ARFGEF3: variants seen among roughly 807,000 people sequenced by gnomAD.
ARFGEF3 encodes the protein ARFGEF family member 3.
ARFGEF3 carries 96 observed loss-of-function variants against 221.7 expected under a neutral mutation model. The ratio of observed to expected loss-of-function variants is 0.43; its 90% CI spans 0.37 to 0.51. The LOEUF (loss-of-function observed/expected upper bound fraction) is 0.51. Ranked by LOEUF, ARFGEF3 falls within the 20% of genes least tolerant of loss-of-function variation. The pLI is 0.00. For missense variants in ARFGEF3, 2,410 were observed against 2,789.9 expected, an observed-to-expected ratio of 0.86 and a Z score of 3.07; for synonymous variants, 1,145 against 1,126.8, an observed-to-expected ratio of 1.02 and a Z score of -0.32.
At chr6:138,165,367 C>T (rs185803685) in intron 1 of ARFGEF3, among the ~76,000 whole-genome samples, 60 of 151,050 alleles carry the variant, frequency 4.0e-4, no homozygotes, top group Middle Eastern at 7.4e-3. Flanking sequence ...CCTCTGAGAC[C>T]CTCATAGGAG....
rs751293007 is a variant in ARFGEF3, at chr6:138,262,778, C to T, written c.1295C>T (p.Thr432Ile). ...ACYAAVSCVCTLLGALDELSQ... is the reference protein window; with the variant it reads ...ACYAAVSCVCILLGALDELSQ... Reference sequence around the variant, plus strand: ...TATGCAGCCGTGTCCTGTGTCTGCACCTTGCTGGGTGCCCTGGATGAGCTC... The same window carrying T: ...TATGCAGCCGTGTCCTGTGTCTGCATCTTGCTGGGTGCCCTGGATGAGCTC... The change falls in exon 12 of 34, where the codon ACC (threonine) becomes ATC (isoleucine). Residue 432 changes from threonine to isoleucine, a missense_variant. Coordinates refer to ENST00000251691, the MANE Select transcript of ARFGEF3 (RefSeq NM_020340.5). The T allele has an allele frequency of 1.2e-6, 2 of 1,614,026 alleles. No individual in the cohort carries two copies. The highest frequency in any genetic ancestry group is 1.1e-5 in the South Asian group (1 of 91,082).
intron 21 of ARFGEF3, among the ~76,000 whole-genome samples, chr6:138,298,308 G>T (rs1289911509): frequency 6.6e-6 from 1 of 152,174 alleles, no homozygotes; most frequent in African/African-American, 2.4e-5. Flanking sequence ...TGTCTTTACA[G>T]TGAGCATGTT....
chr6:138,172,082 T>C (rs1488176424), intron 2 of ARFGEF3, among the ~76,000 whole-genome samples: 3 of 151,674 alleles, frequency 2.0e-5, no homozygotes, highest in South Asian at 4.1e-4. Flanking sequence ...CTGTAGTAAC[T>C]GCTACAGGTT....
At chr6:138,257,017 G>A (rs868492724) in intron 10 of ARFGEF3, among the ~76,000 whole-genome samples, 4 of 151,956 alleles carry the variant, frequency 2.6e-5, no homozygotes, top group African/African-American at 9.7e-5. Flanking sequence ...CAAGCAATCC[G>A]CCCGCCTCAG....
chr6:138,186,902 C>CTTTTTTTTTTTTT (rs71693484), intron 2 of ARFGEF3, among the ~76,000 whole-genome samples: 1 of 76,002 alleles, frequency 1.3e-5, no homozygotes, highest in African/African-American at 5.4e-5. Context: ...CATCCTTTTT[C>CTTTTTTTTTTTTT]TTTTTTTTTT....
At chr6:138,215,922 A>C (rs1307826039) in intron 4 of ARFGEF3, 1 of 39,622 alleles carries the variant, frequency 2.5e-5, no homozygotes, top group East Asian at 6.3e-4. Flanking sequence ...GTGTTGGGGA[A>C]AGGGAAAGAG....
chr6:138,281,834 T>C (rs180981832), intron 14 of ARFGEF3, among the ~76,000 whole-genome samples: 357 of 152,304 alleles, frequency 2.3e-3, no homozygotes, highest in African/African-American at 8.3e-3. Context: ...ATGCCAAAGA[T>C]TGGGGAGTCT....
intron 12 of ARFGEF3, among the ~76,000 whole-genome samples, chr6:138,268,246 A>T (rs948079730): frequency 6.6e-6 from 1 of 152,218 alleles, no homozygotes; most frequent in African/African-American, 2.4e-5. Context: ...TTCCTCTAAG[A>T]GAAAGTTATG....
At chr6:138,176,451 G>A (rs1308489533) in intron 2 of ARFGEF3, among the ~76,000 whole-genome samples, 1 of 152,118 alleles carries the variant, frequency 6.6e-6, no homozygotes, top group Non-Finnish European at 1.5e-5. Flanking sequence ...AAAGTGCTGG[G>A]ATTACAGGCC....
At chr6:138,312,117 T>A (rs959763787) in intron 25 of ARFGEF3, among the ~76,000 whole-genome samples, 1 of 152,000 alleles carries the variant, frequency 6.6e-6, no homozygotes, top group Non-Finnish European at 1.5e-5. Context: ...GATCATGCCA[T>A]TGCACTCCGG....
At chr6:138,319,036 C>T (rs959775658) in intron 27 of ARFGEF3, among the ~76,000 whole-genome samples, 31 of 151,692 alleles carry the variant, frequency 2.0e-4, no homozygotes, top group African/African-American at 7.3e-4. Context: ...TCACTGCAGT[C>T]TCAAATTCCT....
At chr6:138,220,173 G>A (rs1195344145) in intron 4 of ARFGEF3, among the ~76,000 whole-genome samples, 1 of 151,876 alleles carries the variant, frequency 6.6e-6, no homozygotes, top group Non-Finnish European at 1.5e-5. Context: ...ACCAATTTTT[G>A]TATTTCTTTT....
chr6:138,327,014 C>T lies in ARFGEF3; in HGVS notation c.5002-1007C>T, dbSNP rs113137285. 4.8e-3 allele frequency among the ~76,000 whole-genome samples: 734 copies of T among 152,286 alleles called. 4 individuals are homozygous for T. Among genetic ancestry groups the T allele is most frequent in the African/African-American group, 0.017 (701 of 41,554 alleles). On this transcript the variant is annotated intron_variant, in intron 31 of 33. Coordinates refer to ENST00000251691, the MANE Select transcript of ARFGEF3 (RefSeq NM_020340.5). The stretch of plus-strand genomic sequence containing the variant: ...ACTAACGCAGGGACAGAAAACCAAA[C>T]ACTGCATGTTCTCACTTATAAGTGG...
chr6:138,281,864 A>G (rs1359404826), intron 14 of ARFGEF3, among the ~76,000 whole-genome samples: 1 of 152,222 alleles, frequency 6.6e-6, no homozygotes, highest in African/African-American at 2.4e-5. Flanking sequence ...TAGTCTGGTC[A>G]TCGCTTGCCT....
At chr6:138,174,846 T>C (rs1776907558) in intron 2 of ARFGEF3, among the ~76,000 whole-genome samples, 1 of 152,222 alleles carries the variant, frequency 6.6e-6, no homozygotes, top group South Asian at 2.1e-4. Context: ...TTACTAATAT[T>C]GTTTTGGTCA....
intron 5 of ARFGEF3, among the ~76,000 whole-genome samples, chr6:138,236,088 C>T (rs1000775724): frequency 6.6e-6 from 1 of 152,192 alleles, no homozygotes; most frequent in African/African-American, 2.4e-5. Context: ...AAATCCAGTT[C>T]CTCATGCATG....
chr6:138,292,005 G>T lies in ARFGEF3; in HGVS notation c.3320G>T (p.Gly1107Val). The change falls in exon 19 of 34, where the codon GGG (glycine) becomes GTG (valine). Residue 1107 changes from glycine (G) to valine (V), a missense_variant. Gly to Val is a moderately radical substitution (Grantham distance 109). This residue lies in a region of ARFGEF3 where 184 missense variants were observed against 141.8 expected (regional missense o/e 1.30). Coordinates refer to ENST00000251691, the MANE Select transcript of ARFGEF3 (RefSeq NM_020340.5). ...SDFRGGSLMS[G>V]SSAAKVVLTL... ...TTCCGCGGCGGGAGCCTCATGAGCG[G>T]GAGCAGCGCGGCCAAGGTGGTGCTC... The T allele has an allele frequency of 6.5e-7, 1 of 1,529,208 alleles. No individual in the cohort carries two copies. The highest frequency in any genetic ancestry group is 8.7e-7 in the Non-Finnish European group (1 of 1,143,442). 94.7% of individuals were successfully genotyped at this position (1,529,208 alleles called of 1,614,324 possible).
intron 10 of ARFGEF3, among the ~76,000 whole-genome samples, chr6:138,261,276 C>A (rs913120116): frequency 3.9e-5 from 6 of 152,194 alleles, no homozygotes; most frequent in Non-Finnish European, 8.8e-5. Context: ...GATTTTTCAA[C>A]AATCCCTCTG....
At chr6:138,232,319 C>T (rs1778208108) in intron 5 of ARFGEF3, among the ~76,000 whole-genome samples, 1 of 152,154 alleles carries the variant, frequency 6.6e-6, no homozygotes, top group African/African-American at 2.4e-5. Context: ...CCAGCCTAAC[C>T]AACATGGGGA....
Sources: gnomAD v4.1 joint callset for allele counts (sites outside exome capture counted in the v4.1 genomes callset) on GRCh38, gnomAD v4.1.1 for gene constraint, gnomAD v4.1.1 regional missense constraint, MANE v1.5 for transcripts, NCBI Gene and HGNC (gene_info 2026-07-23, HGNC 2026-07-21) for gene names.